Variants in SLC1A6 observed in about 807,000 individuals in gnomAD.
The protein encoded by SLC1A6 is solute carrier family 1 member 6.
Under a neutral mutation model 42.1 loss-of-function variants are expected in SLC1A6, and 15 were observed. The ratio of observed to expected loss-of-function variants is 0.36; its 90% CI spans 0.24 to 0.55. SLC1A6 has a LOEUF of 0.55. Ranked by LOEUF, SLC1A6 falls within the 20% of genes least tolerant of loss-of-function variation. SLC1A6 has a pLI of 0.88. For missense variants in SLC1A6, 542 were observed against 772.5 expected (o/e 0.70, Z 3.54); for synonymous variants, 317 against 319.7 (o/e 0.99, Z 0.09).
chr19:14,967,021 GT>G lies in SLC1A6; in HGVS notation c.548+1281del, dbSNP rs568421117. On this transcript the variant is annotated intron_variant, in intron 4 of 9. Transcript: ENST00000594383. Reference sequence around the variant, plus strand: ...TAAGAAACCTGCACGTTCTGCACATGTATCCCAGAACTTAAAGTAAAAAATA... The same window carrying G: ...TAAGAAACCTGCACGTTCTGCACATGATCCCAGAACTTAAAGTAAAAAATA... Among the ~76,000 whole-genome samples, 423 of 152,206 alleles carry G rather than the reference GT, an allele frequency of 2.8e-3. 2 individuals carry two copies. Among genetic ancestry groups the G allele is most frequent in the African/African-American group, 9.1e-3 (378 of 41,520 alleles).
chr19:14,999,131 G>C (rs1051950391), intron 1 of SLC1A6, among the ~76,000 whole-genome samples: 4 of 152,062 alleles, frequency 2.6e-5, no homozygotes, highest in African/African-American at 9.7e-5. Flanking sequence ...ACCTGCCTCA[G>C]CCTCCCAAAG....
chr19:14,966,796 T>A lies in SLC1A6; in HGVS notation c.548+1507A>T, dbSNP rs532521208. Among the ~76,000 whole-genome samples the A allele has an allele frequency of 6.6e-5, 10 of 152,240 alleles. No individual in the cohort carries two copies. In the South Asian group the frequency reaches 2.1e-3, roughly 32 times the overall value. On this transcript the variant is annotated intron_variant, in intron 4 of 9. Coordinates refer to ENST00000594383, the MANE Select transcript of SLC1A6 (RefSeq NM_005071.3). ...TAGAAACAGAAAACTAAACACTGCA[T>A]GTTCTCACTCATAAGTGGGAGTTGA...
Position 14,962,354 on chromosome 19 carries a change from G to T in SLC1A6, c.592-9C>A. The stretch of plus-strand genomic sequence containing the variant: ...CTGTACTGCGTCTTGAACTGAAATA[G>T]AGAGAGATTGCGCCCAGATTCAATT... On this transcript the variant is annotated splice_polypyrimidine_tract_variant and intron_variant, in intron 5 of 9. Transcript: ENST00000594383. The T allele has an allele frequency of 6.3e-7, 1 of 1,599,778 alleles. No individual in the cohort carries two copies. Among genetic ancestry groups the T allele is most frequent in the Non-Finnish European group, 8.6e-7 (1 of 1,168,894 alleles).
At chr19:14,957,852 C>T (rs1374045856) in intron 6 of SLC1A6, among the ~76,000 whole-genome samples, 1 of 152,120 alleles carries the variant, frequency 6.6e-6, no homozygotes, top group Non-Finnish European at 1.5e-5. Flanking sequence ...TGAGAAGGTA[C>T]CCTGTGTATC....
intron 1 of SLC1A6, among the ~76,000 whole-genome samples, chr19:14,995,915 T>C (rs1041245960): frequency 2.0e-5 from 3 of 152,050 alleles, no homozygotes; most frequent in East Asian, 3.9e-4. Context: ...ATATCATTGA[T>C]GAAGAAGAGA....
upstream of SLC1A6, among the ~76,000 whole-genome samples, chr19:14,982,899 A>G (rs1027396922): frequency 2.0e-5 from 3 of 152,216 alleles, no homozygotes; most frequent in Admixed American, 6.5e-5. Flanking sequence ...ATAAAATAGC[A>G]TATTTTTACG....
At chr19:15,000,498 C>T (rs1167105991) in intron 1 of SLC1A6, among the ~76,000 whole-genome samples, 2 of 152,174 alleles carry the variant, frequency 1.3e-5, no homozygotes, top group African/African-American at 4.8e-5. Flanking sequence ...TTTCATTTAG[C>T]CTAATGTCCT....
intron 1 of SLC1A6, among the ~76,000 whole-genome samples, chr19:14,988,498 A>G (rs1449442017): frequency 1.3e-5 from 2 of 152,242 alleles, no homozygotes; most frequent in Non-Finnish European, 2.9e-5. Flanking sequence ...TCTTAAAAGA[A>G]GACATACAAA....
intron 4 of SLC1A6, among the ~76,000 whole-genome samples, chr19:14,965,082 C>A (rs571510506): frequency 6.6e-6 from 1 of 150,846 alleles, no homozygotes; most frequent in Admixed American, 6.6e-5. Context: ...TGCAGTGGTG[C>A]GATCTCGGCT....
In SLC1A6 at chr19:14,952,925, C is replaced by CA; in HGVS notation, c.1499+2dup. 1 of 1,613,342 alleles carries CA rather than the reference C, an allele frequency of 6.2e-7. No individual in the cohort carries two copies. On this transcript the variant is annotated splice_region_variant and intron_variant, in intron 9 of 9. Transcript: ENST00000594383. ...ACCAGGGTCCAGCCTAGAGAACACT[C>CA]ACAGGAACCAGTCCACGGCAATGAT...
chr19:15,004,290 T>C (rs2045886072), intron 1 of SLC1A6, among the ~76,000 whole-genome samples: 1 of 152,174 alleles, frequency 6.6e-6, no homozygotes, highest in African/African-American at 2.4e-5. Context: ...ATATGTATAG[T>C]TGTGTATATG....
chr19:14,979,050 T>TCACACACACA lies in SLC1A6; in HGVS notation c.-8+249_-8+258dup, dbSNP rs56317513. 0.012 allele frequency among the ~76,000 whole-genome samples: 1,547 copies of TCACACACACA among 131,354 alleles called. 19 individuals are homozygous for TCACACACACA. The highest frequency in any genetic ancestry group is 0.021 in the South Asian group (74 of 3,592). The allele number at this position is 131,354 out of a possible 152,430, so 86.2% of individuals were successfully genotyped here. A position where few individuals can be genotyped will look rare whatever the true frequency, so the allele number is the denominator to read the frequency against. On this transcript the variant is annotated intron_variant, in intron 1 of 9. Transcript: ENST00000594383. This position sits in a 1 kb window ranked among gnomAD's most constrained non-coding sequence, Gnocchi z 4.2. ...CAAATTCAGTCTCTCTCTCTCTCTG[T>TCACACACACA]CACACACACACACACACACACACAC...
chr19:14,957,052 C>T (rs1159125004), intron 6 of SLC1A6, among the ~76,000 whole-genome samples: 1 of 152,186 alleles, frequency 6.6e-6, no homozygotes, highest in Non-Finnish European at 1.5e-5. Flanking sequence ...CAGTTTCCTT[C>T]CTTAGACATT....
intron 5 of SLC1A6, chr19:14,964,054 TTTGGCCTCAAGTGATCCTCCCACC>T: frequency 3.0e-6 from 1 of 328,828 alleles, no homozygotes; most frequent in Non-Finnish European, 5.6e-6. Flanking sequence ...GTCTTGAACT[TTTGGCCTCAAGTGATCCTCCCACC>T]TTGGCCTCCC....
chr19:14,991,815 T>C (rs927852090), intron 1 of SLC1A6, among the ~76,000 whole-genome samples: 1 of 150,064 alleles, frequency 6.7e-6, no homozygotes. Context: ...AGGACCAAAG[T>C]TCCTACTTTT....
rs1229746815 is a variant in SLC1A6 at position 14,979,863 on chromosome 19, C to G, written c.-562G>C. On this transcript the variant is annotated 5_prime_UTR_variant, in exon 1 of 10. Coordinates refer to ENST00000594383, the MANE Select transcript of SLC1A6 (RefSeq NM_005071.3). This position sits in a 1 kb window ranked among gnomAD's most constrained non-coding sequence, Gnocchi z 4.2. ...CAGCGTGCTTGCGAAGGGAGGGGGA[C>G]TGGGGGTGGGCGGGGGTGAGTGGCC... is the stretch of plus-strand genomic sequence containing the variant. 3 of 113,030 alleles carry G rather than the reference C, an allele frequency of 2.7e-5. No homozygotes were observed. The highest frequency in any genetic ancestry group is 5.8e-5 in the Non-Finnish European group (3 of 52,094). The allele number at this position is 113,030 out of a possible 1,614,324, so 7.0% of individuals were successfully genotyped here.
intron 1 of SLC1A6, among the ~76,000 whole-genome samples, chr19:15,005,308 A>G (rs964901937): frequency 1.3e-5 from 2 of 151,884 alleles, no homozygotes; most frequent in African/African-American, 4.8e-5. Context: ...GGAGTTCACG[A>G]ATAGCCTGGC....
upstream of SLC1A6, among the ~76,000 whole-genome samples, chr19:14,981,576 C>T (rs533187862): frequency 2.0e-5 from 3 of 152,322 alleles, no homozygotes; most frequent in South Asian, 4.1e-4. Flanking sequence ...CTGCCTCTTA[C>T]GGTCATTCAC....
rs1371049707 is a variant in SLC1A6, at chr19:14,971,881, C to G, written c.206-7G>C. The G allele has an allele frequency of 1.9e-6, 3 of 1,613,632 alleles. No individual in the cohort carries two copies. Among genetic ancestry groups the G allele is most frequent in the African/African-American group, 1.3e-5 (1 of 74,910 alleles). On this transcript the variant is annotated splice_polypyrimidine_tract_variant and splice_region_variant and intron_variant, in intron 2 of 9. Transcript: ENST00000594383. The stretch of plus-strand genomic sequence containing the variant: ...GCAAAGGCCAGGCTGACCCCTAGGG[C>G]CAAAAGAAGGGGTCCATGGACTGAA...
Sources: allele counts gnomAD v4.1 joint callset (sites outside exome capture counted in the v4.1 genomes callset), GRCh38; gene constraint gnomAD v4.1.1; non-coding constraint Gnocchi (gnomAD v3.1); transcripts MANE v1.5; gene names NCBI Gene and HGNC (gene_info 2026-07-23, HGNC 2026-07-21).